Variants in RPL23 observed in about 807,000 individuals in gnomAD.
The protein encoded by RPL23 is ribosomal protein L23.
For synonymous variants in RPL23, 63 were observed against 65.3 expected (o/e 0.97, Z 0.17); for missense variants, 79 against 178.8 (o/e 0.44, Z 3.18).
In RPL23 at chr17:38,850,035, T is replaced by C; in HGVS notation, c.*97A>G. On this transcript the variant is annotated 3_prime_UTR_variant, in exon 5 of 5. Transcript: ENST00000479035. The stretch of plus-strand genomic sequence containing the variant: ...TAGGAGGCTGAGGCAGGAGAATCGC[T>C]TGAACCCTGGAAGTGAACAGGGAGA... 1 of 892,112 alleles carries C rather than the reference T, an allele frequency of 1.1e-6. No homozygotes were observed. The highest frequency in any genetic ancestry group is 1.8e-5 in the South Asian group (1 of 56,294). 55.3% of individuals were successfully genotyped at this position (892,112 alleles called of 1,614,324 possible).
At chr17:38,851,350 C>G (rs974754391) in intron 3 of RPL23, 4 of 152,210 alleles carry the variant, frequency 2.6e-5, no homozygotes, top group African/African-American at 7.2e-5. Flanking sequence ...ATTTAATCCT[C>G]ACAAATTCTT....
At position 38,853,699 on chromosome 17, in the gene RPL23, T is replaced by C. The variant is rs531763616; in HGVS notation, c.12A>G (p.Arg4=). MSK[R]GRGGSSGAKF... is the part of the protein sequence containing the mutation. ...GATCCTCCAGAAACAAAACCTCACC[T>C]CGCTTCGACATCTTGAACGCCGGAA... The change falls in exon 1 of 5, where the codon CGA becomes CGG. Residue 4 remains arginine, a splice_region_variant and synonymous_variant. Transcript: ENST00000479035. 6.0e-5 allele frequency: 97 copies of C among 1,613,896 alleles called. No homozygotes were observed. Among genetic ancestry groups the C allele is most frequent in the Admixed American group, 3.2e-4 (19 of 59,994 alleles).
chr17:38,847,951 T>C lies in RPL23; in HGVS notation c.*2181A>G, dbSNP rs1343499934. The C allele has an allele frequency of 1.9e-6, 3 of 1,547,200 alleles. No homozygotes were observed. The highest frequency in any genetic ancestry group is 2.0e-5 in the Admixed American group (1 of 50,258). Reference sequence around the variant, plus strand: ...GGGATGCAGTGGCTCACACTTGTAATTGCAGCCCTTTGAAGGCCACAGCAG... The same window carrying C: ...GGGATGCAGTGGCTCACACTTGTAACTGCAGCCCTTTGAAGGCCACAGCAG... On this transcript the variant is annotated 3_prime_UTR_variant, in exon 5 of 5. Coordinates refer to ENST00000479035, the MANE Select transcript of RPL23 (RefSeq NM_000978.4).
intron 3 of RPL23, chr17:38,851,700 C>A (rs1211370070): frequency 2.0e-5 from 3 of 152,170 alleles, no homozygotes. Context: ...CACAGTGCTA[C>A]CCAGCCCTCA....
At chr17:38,852,277 T>C in intron 3 of RPL23, 1 of 219,126 alleles carries the variant, frequency 4.6e-6, no homozygotes, top group South Asian at 8.4e-5. Context: ...AATATATTTT[T>C]TTTTGAGAGC....
At chr17:38,852,773 C>T (rs377093839) in intron 2 of RPL23, 41 bp from the exon 3 acceptor site, 231 of 1,613,508 alleles carry the variant, frequency 1.4e-4, no homozygotes, top group Non-Finnish European at 1.9e-4. Context: ...TGTTGAGGGC[C>T]ATCAGGCCGT....
Position 38,853,005 on chromosome 17 carries a change from A to G in RPL23, c.97+17T>C. 6.2e-7 allele frequency: 1 copy of G among 1,611,566 alleles called. No homozygotes were observed. Among genetic ancestry groups the G allele is most frequent in the Non-Finnish European group, 8.5e-7 (1 of 1,177,620 alleles). The stretch of plus-strand genomic sequence containing the variant: ...TGCTTTTAAAAGGGGGAGTATAGCA[A>G]CGTGCAAAGACCTCACCTGTGTTGT... On this transcript the variant is annotated intron_variant, in intron 2 of 4. Coordinates refer to ENST00000479035, the MANE Select transcript of RPL23 (RefSeq NM_000978.4).
In RPL23 at chr17:38,849,835, T is replaced by C. The variant is rs1912951443; in HGVS notation, c.*297A>G. 3.9e-6 allele frequency: 1 copy of C among 254,430 alleles called. No individual in the cohort carries two copies. The highest frequency in any genetic ancestry group is 2.2e-5 in the African/African-American group (1 of 45,142). 15.8% of individuals were successfully genotyped at this position (254,430 alleles called of 1,614,324 possible). ...CTTTAAAAAAAAAATGCCCAGAGTT[T>C]CCATTTCAGAAAAGTGATGGTCAGG... On this transcript the variant is annotated 3_prime_UTR_variant, in exon 5 of 5. Transcript: ENST00000479035.
Position 38,848,133 on chromosome 17 carries a change from A to C in RPL23, c.*1999T>G. 5 of 1,397,852 alleles carry C rather than the reference A, an allele frequency of 3.6e-6. No homozygotes were observed. The East Asian group carries it at 1.4e-4, about 38-fold the overall frequency. The allele number at this position is 1,397,852 out of a possible 1,614,324, so 86.6% of individuals were successfully genotyped here. A position where few individuals can be genotyped will look rare whatever the true frequency, so the allele number is the denominator to read the frequency against. On this transcript the variant is annotated 3_prime_UTR_variant, in exon 5 of 5. Transcript: ENST00000479035. Reference sequence around the variant, plus strand: ...TATAAGGATCATATATTGCCATAATATATAAAGACATAAATGGTGGGCCTA... The same window carrying C: ...TATAAGGATCATATATTGCCATAATCTATAAAGACATAAATGGTGGGCCTA...
chr17:38,850,513 C>G lies in RPL23; in HGVS notation c.227-38G>C, dbSNP rs573512530. ...AAAAGGACAGCAGTCATTAACCTGT[C>G]AAGTCGCAGTGCCACCACAAAAGCA... On this transcript the variant is annotated intron_variant, in intron 3 of 4. Coordinates refer to ENST00000479035, the MANE Select transcript of RPL23 (RefSeq NM_000978.4). The G allele has an allele frequency of 1.4e-6, 2 of 1,436,970 alleles. No homozygotes were observed. The highest frequency in any genetic ancestry group is 1.7e-5 in the Admixed American group (1 of 59,290). 89.0% of individuals were successfully genotyped at this position (1,436,970 alleles called of 1,614,324 possible). A position where few individuals can be genotyped will look rare whatever the true frequency, so the allele number is the denominator to read the frequency against.
chr17:38,853,527 A>AC (rs1913068424), intron 1 of RPL23, 171 bp downstream of exon 1: 1 of 780,032 alleles, frequency 1.3e-6, no homozygotes, highest in Non-Finnish European at 2.3e-6. Context: ...ACTCTCCAGC[A>AC]CCCCACTGCC....
chr17:38,850,099 T>G lies in RPL23; in HGVS notation c.*33A>C, dbSNP rs776928388. Reference sequence around the variant, plus strand: ...CAAATACTTTTTAATGGGTTTAGTTTTTTTTTTTATTTTTTACAAATATAC... The same window carrying G: ...CAAATACTTTTTAATGGGTTTAGTTGTTTTTTTTATTTTTTACAAATATAC... On this transcript the variant is annotated 3_prime_UTR_variant, in exon 5 of 5. Coordinates refer to ENST00000479035, the MANE Select transcript of RPL23 (RefSeq NM_000978.4). 1.7e-5 allele frequency: 23 copies of G among 1,318,616 alleles called. No homozygotes were observed. Among genetic ancestry groups the G allele is most frequent in the Admixed American group, 9.5e-5 (3 of 31,556 alleles). 81.7% of individuals were successfully genotyped at this position (1,318,616 alleles called of 1,614,324 possible).
Position 38,848,022 on chromosome 17 carries a change from G to A in RPL23, c.*2110C>T. On this transcript the variant is annotated 3_prime_UTR_variant, in exon 5 of 5. Coordinates refer to ENST00000479035, the MANE Select transcript of RPL23 (RefSeq NM_000978.4). ...TTCAAAGTTACAGTGAGCTTCAGTGGTGTTACTGCACTCCAGCCTGTGTGA... is the reference window on the plus strand; with the variant it reads ...TTCAAAGTTACAGTGAGCTTCAGTGATGTTACTGCACTCCAGCCTGTGTGA... The A allele has an allele frequency of 6.5e-7, 1 of 1,549,990 alleles. No homozygotes were observed. Among genetic ancestry groups the A allele is most frequent in the Non-Finnish European group, 8.7e-7 (1 of 1,146,800 alleles).
rs200778555 is a variant in RPL23 at position 38,853,718 on chromosome 17, G to A, written c.-8C>T. 7.4e-4 allele frequency: 1,192 copies of A among 1,613,974 alleles called. 17 individuals carry two copies. Among genetic ancestry groups the A allele is most frequent in the Non-Finnish European group, 6.5e-5 (77 of 1,179,978 alleles). On this transcript the variant is annotated 5_prime_UTR_variant, in exon 1 of 5. Coordinates refer to ENST00000479035, the MANE Select transcript of RPL23 (RefSeq NM_000978.4). Reference sequence around the variant, plus strand: ...CTCACCTCGCTTCGACATCTTGAACGCCGGAAAAAAGAAAAAAGGAAGTCG... The same window carrying A: ...CTCACCTCGCTTCGACATCTTGAACACCGGAAAAAAGAAAAAAGGAAGTCG...
rs1912934613 is a variant in RPL23, at chr17:38,849,211, T to G, written c.*921A>C. On this transcript the variant is annotated 3_prime_UTR_variant, in exon 5 of 5. Transcript: ENST00000479035. ...AGTAAACCTACATGGCAATTACTGT[T>G]GTTTTATAAATATTCAATTTACTCC... The G allele has an allele frequency of 6.6e-6, 1 of 152,234 alleles. No homozygotes were observed. The highest frequency in any genetic ancestry group is 1.5e-5 in the Non-Finnish European group (1 of 68,042). 9.4% of individuals were successfully genotyped at this position (152,234 alleles called of 1,614,324 possible).
At chr17:38,852,937 T>A in intron 2 of RPL23, 85 bp downstream of exon 2, 1 of 1,432,938 alleles carries the variant, frequency 7.0e-7, no homozygotes, top group Non-Finnish European at 9.9e-7. Flanking sequence ...CACTCTCCCC[T>A]TTCTTGACGG....
Position 38,853,425 on chromosome 17 carries a change from C to A in RPL23, c.13+273G>T, listed in dbSNP as rs556452947. The A allele has an allele frequency of 1.6e-4, 113 of 715,972 alleles. No individual in the cohort carries two copies. The African/African-American group carries it at 1.8e-3, about 12-fold the overall frequency. 44.4% of individuals were successfully genotyped at this position (715,972 alleles called of 1,614,324 possible). On this transcript the variant is annotated intron_variant, in intron 1 of 4. Transcript: ENST00000479035. ...GAGGTCGCGCAAACCAGGGCCTAATCCAGTCTAACTTCAACCCCATTACGA... is the reference window on the plus strand; with the variant it reads ...GAGGTCGCGCAAACCAGGGCCTAATACAGTCTAACTTCAACCCCATTACGA...
In RPL23 at chr17:38,848,005, TAC is replaced by T. The variant is rs1200499893; in HGVS notation, c.*2125_*2126del. On this transcript the variant is annotated 3_prime_UTR_variant, in exon 5 of 5. Coordinates refer to ENST00000479035, the MANE Select transcript of RPL23 (RefSeq NM_000978.4). Reference sequence around the variant, plus strand: ...GATTCCAAGTCCAGCAGTTCAAAGTTACAGTGAGCTTCAGTGGTGTTACTGCA... The same window carrying T: ...GATTCCAAGTCCAGCAGTTCAAAGTTAGTGAGCTTCAGTGGTGTTACTGCA... 6 of 1,550,080 alleles carry T rather than the reference TAC, an allele frequency of 3.9e-6. No individual in the cohort carries two copies. Among genetic ancestry groups the T allele is most frequent in the Non-Finnish European group, 4.4e-6 (5 of 1,146,838 alleles).
rs143537161 is a variant in RPL23, at chr17:38,853,057, G to A, written c.62C>T (p.Pro21Leu). Residue 21 changes from proline (P) to leucine (L), a missense_variant, in exon 2 of 5, where the codon CCG becomes CTG. Transcript: ENST00000479035. ...AGCACAATTGATTACAGCTCCTACC[G>A]GAAGACCCAAGGAAATCCGGAATTT... ...GAKFRISLGLPVGAVINCADN... is the reference protein window; with the variant it reads ...GAKFRISLGLLVGAVINCADN... 6 of 1,613,966 alleles carry A rather than the reference G, an allele frequency of 3.7e-6. No homozygotes were observed. The highest frequency in any genetic ancestry group is 3.4e-6 in the Non-Finnish European group (4 of 1,180,028).
Sources: gnomAD v4.1 joint callset for allele counts on GRCh38, gnomAD v4.1.1 for gene constraint, MANE v1.5 for transcripts, NCBI Gene and HGNC (gene_info 2026-07-23, HGNC 2026-07-21) for gene names.